DLGAP2: variants seen among roughly 807,000 people sequenced by gnomAD.
DLGAP2 encodes the protein disks large-associated protein 2.
DLGAP2 carries 26 observed loss-of-function variants against 100.3 expected under a neutral mutation model. The observed-to-expected ratio is 0.26, with a 90% CI of 0.19 to 0.36. The LOEUF (loss-of-function observed/expected upper bound fraction) is 0.36, where lower values mean the gene tolerates loss of function less well. DLGAP2 is among the 10% of genes least tolerant of loss of function. The pLI is 1.00. For synonymous variants in DLGAP2, 886 were observed against 630.1 expected (o/e 1.41, Z -6.08); for missense variants, 1,858 against 1,453.2 (o/e 1.28, Z -4.53).
chr8:1,187,527 T>A (rs1400048243), intron 2 of DLGAP2, among the ~76,000 whole-genome samples: 1 of 138,140 alleles, frequency 7.2e-6, no homozygotes, highest in Non-Finnish European at 1.5e-5. Context: ...CTTCACGGAA[T>A]CTCACACACC....
intron 2 of DLGAP2, among the ~76,000 whole-genome samples, chr8:1,144,164 G>T (rs1227486855): frequency 6.6e-6 from 1 of 152,256 alleles, no homozygotes; most frequent in Non-Finnish European, 1.5e-5. Context: ...AAAAAGAAAG[G>T]AGGGGAATGG....
At chr8:1,285,190 C>T (rs528924035) in intron 3 of DLGAP2, among the ~76,000 whole-genome samples, 4 of 152,246 alleles carry the variant, frequency 2.6e-5, no homozygotes, top group Admixed American at 6.5e-5. Context: ...GTGTTGGTCA[C>T]GTTCCCAATG....
chr8:1,162,347 G>A (rs1017301883), intron 2 of DLGAP2, among the ~76,000 whole-genome samples: 6 of 152,212 alleles, frequency 3.9e-5, no homozygotes, highest in African/African-American at 1.4e-4. Flanking sequence ...TTGAGCAGTG[G>A]CTGAAACAAC....
chr8:1,218,055 G>C (rs1436357511), intron 2 of DLGAP2, among the ~76,000 whole-genome samples: 1 of 152,064 alleles, frequency 6.6e-6, no homozygotes, highest in Non-Finnish European at 1.5e-5. Context: ...TTGTCTGTTT[G>C]CTCTGTTGAT....
intron 3 of DLGAP2, among the ~76,000 whole-genome samples, chr8:1,364,507 G>GGA (rs1554452286): frequency 6.7e-6 from 1 of 149,898 alleles, no homozygotes; most frequent in African/African-American, 2.5e-5. Context: ...AAGGGCGGGG[G>GGA]GGGTGCAGCG....
chr8:1,423,283 C>G (rs1479245809), intron 3 of DLGAP2, among the ~76,000 whole-genome samples: 1 of 151,954 alleles, frequency 6.6e-6, no homozygotes, highest in African/African-American at 2.4e-5. Context: ...TCCCTGACCC[C>G]AGGCCTGCTC....
At chr8:1,294,805 G>A (rs1800133323) in intron 3 of DLGAP2, among the ~76,000 whole-genome samples, 1 of 151,498 alleles carries the variant, frequency 6.6e-6, no homozygotes, top group African/African-American at 2.4e-5. Flanking sequence ...GGAGGTGCAG[G>A]TTGCAGTGAG....
intron 13 of DLGAP2, among the ~76,000 whole-genome samples, chr8:1,695,740 T>C (rs1799381685): frequency 6.6e-6 from 1 of 152,270 alleles, no homozygotes; most frequent in East Asian, 1.9e-4. Context: ...CTACAGCCTC[T>C]GAGCAGCCTC....
At chr8:1,188,304 G>T (rs1352812510) in intron 2 of DLGAP2, among the ~76,000 whole-genome samples, 1 of 114,958 alleles carries the variant, frequency 8.7e-6, no homozygotes, top group Non-Finnish European at 1.7e-5. Flanking sequence ...AATCTCACAC[G>T]CCCGGGACTT....
chr8:782,550 A>C (rs1821722777), intron 1 of DLGAP2, among the ~76,000 whole-genome samples: 1 of 152,234 alleles, frequency 6.6e-6, no homozygotes, highest in South Asian at 2.1e-4. Context: ...TATGTTAATT[A>C]TTGACAAAAT....
At chr8:1,100,890 A>G (rs1293926429) in intron 2 of DLGAP2, among the ~76,000 whole-genome samples, 1 of 152,246 alleles carries the variant, frequency 6.6e-6, no homozygotes, top group Non-Finnish European at 1.5e-5. Context: ...ACTCATTTTA[A>G]CCATAGCATT....
At chr8:886,091 C>T (rs746859118) in intron 1 of DLGAP2, among the ~76,000 whole-genome samples, 1 of 152,124 alleles carries the variant, frequency 6.6e-6, no homozygotes, top group Admixed American at 6.5e-5. Context: ...GTTATTGTTC[C>T]ATTCAGGGAT....
chr8:1,619,019 G>T (rs548289858), intron 6 of DLGAP2, among the ~76,000 whole-genome samples: 1 of 152,102 alleles, frequency 6.6e-6, no homozygotes, highest in East Asian at 1.9e-4. Flanking sequence ...GACTCCAGCC[G>T]TCAAAATCTT....
At chr8:1,036,765 G>T (rs142236212) in intron 2 of DLGAP2, among the ~76,000 whole-genome samples, 1 of 152,164 alleles carries the variant, frequency 6.6e-6, no homozygotes, top group Non-Finnish European at 1.5e-5. Context: ...AGGAGGTGCC[G>T]CAGGCTGGGA....
At chr8:1,438,542 A>AT (rs1487805537) in intron 3 of DLGAP2, among the ~76,000 whole-genome samples, 1 of 152,176 alleles carries the variant, frequency 6.6e-6, no homozygotes, top group African/African-American at 2.4e-5. Context: ...TGACTAAGTA[A>AT]TTTTTTTCTT....
chr8:961,597 A>G (rs1398520376), intron 2 of DLGAP2, among the ~76,000 whole-genome samples: 1 of 152,182 alleles, frequency 6.6e-6, no homozygotes, highest in African/African-American at 2.4e-5. Context: ...ATTTCATTGA[A>G]TGATATTTTC....
chr8:1,675,562 G>T (rs997626566), intron 10 of DLGAP2, among the ~76,000 whole-genome samples: 1 of 152,188 alleles, frequency 6.6e-6, no homozygotes, highest in African/African-American at 2.4e-5. Context: ...CAACTCAAAT[G>T]TTAACGTGCA....
intron 1 of DLGAP2, among the ~76,000 whole-genome samples, chr8:857,695 G>A (rs1797306571): frequency 6.6e-6 from 1 of 152,150 alleles, no homozygotes; most frequent in Non-Finnish European, 1.5e-5. Flanking sequence ...TGGTGAGGAT[G>A]TGGAGCAACG....
intron 6 of DLGAP2, among the ~76,000 whole-genome samples, chr8:1,572,543 G>T (rs375366244): frequency 1.0e-5 from 1 of 96,958 alleles, no homozygotes; most frequent in Non-Finnish European, 2.1e-5. Context: ...CTGTGGGGGC[G>T]TCTGATGAGA....
Sources: allele counts gnomAD v4.1 joint callset (sites outside exome capture counted in the v4.1 genomes callset), GRCh38; gene constraint gnomAD v4.1.1; transcripts MANE v1.5; gene names NCBI Gene and HGNC (gene_info 2026-07-23, HGNC 2026-07-21).